RAB11FIP4: variants seen among roughly 807,000 people sequenced by gnomAD.
The protein encoded by RAB11FIP4 is RAB11 family interacting protein 4, also known as rab11 family-interacting protein 4.
A neutral mutation model predicts 74.3 loss-of-function variants in RAB11FIP4; 23 were observed. That is an observed-to-expected ratio of 0.31 (90% CI 0.22 to 0.44). The LOEUF is 0.44. Among genes scored for constraint, RAB11FIP4 ranks in the 20% least tolerant of loss-of-function variants. The pLI is 1.00. For synonymous variants in RAB11FIP4, 360 were observed against 359.9 expected, an observed-to-expected ratio of 1.00 and a Z score of 0.00; for missense variants, 630 against 863.9, an observed-to-expected ratio of 0.73 and a Z score of 3.39.
intron 3 of RAB11FIP4, among the ~76,000 whole-genome samples, chr17:31,492,397 A>AC (rs1567674768): frequency 6.6e-6 from 1 of 151,834 alleles, no homozygotes; most frequent in Non-Finnish European, 1.5e-5. Context: ...CTGTTCATCC[A>AC]CCCCCCTGCT....
At chr17:31,403,614 G>C (rs941216606) in intron 1 of RAB11FIP4, among the ~76,000 whole-genome samples, 1 of 152,094 alleles carries the variant, frequency 6.6e-6, no homozygotes, top group Non-Finnish European at 1.5e-5. Flanking sequence ...GAGCCACCGC[G>C]CCCGGCCCTG....
chr17:31,415,441 T>A (rs1171576141), intron 1 of RAB11FIP4, among the ~76,000 whole-genome samples: 1 of 152,196 alleles, frequency 6.6e-6, no homozygotes, highest in African/African-American at 2.4e-5. Flanking sequence ...CCAAGCCATT[T>A]ACTTGTTCCG....
chr17:31,496,035 G>T (rs1004499645), intron 3 of RAB11FIP4, among the ~76,000 whole-genome samples: 10 of 152,042 alleles, frequency 6.6e-5, no homozygotes, highest in African/African-American at 2.4e-4. Context: ...CCTTTTTCTT[G>T]GCATACTTGA....
At chr17:31,400,421 C>T (rs2070973891) in intron 1 of RAB11FIP4, among the ~76,000 whole-genome samples, 1 of 152,202 alleles carries the variant, frequency 6.6e-6, no homozygotes, top group Non-Finnish European at 1.5e-5. Context: ...TGTGGCCTTC[C>T]CTGCAGGGGC....
At chr17:31,438,833 C>T (rs890462593) in intron 3 of RAB11FIP4, among the ~76,000 whole-genome samples, 15 of 152,086 alleles carry the variant, frequency 9.9e-5, no homozygotes, top group African/African-American at 2.9e-4. Context: ...ACTTACTTGC[C>T]GGGAGTGGTG....
intron 1 of RAB11FIP4, 178 bp from the exon 2 acceptor site, chr17:31,431,635 T>A (rs1012794575): frequency 1.8e-6 from 1 of 555,378 alleles, no homozygotes; most frequent in East Asian, 3.6e-5. Context: ...GCCCGAGTTG[T>A]CTGTCACCAT....
chr17:31,436,814 A>G (rs1187917892), intron 3 of RAB11FIP4, among the ~76,000 whole-genome samples: 3 of 141,180 alleles, frequency 2.1e-5, no homozygotes, highest in African/African-American at 8.0e-5. Context: ...TTGAGACGGC[A>G]TCTTGCTCTA....
chr17:31,423,198 C>T (rs1357546958), intron 1 of RAB11FIP4, among the ~76,000 whole-genome samples: 1 of 152,212 alleles, frequency 6.6e-6, no homozygotes, highest in Admixed American at 6.5e-5. Context: ...GGATTACAGG[C>T]GTGAGCCACC....
intron 3 of RAB11FIP4, among the ~76,000 whole-genome samples, chr17:31,444,472 G>A (rs543915160): frequency 2.0e-5 from 3 of 152,182 alleles, no homozygotes; most frequent in Non-Finnish European, 2.9e-5. Flanking sequence ...AGGTGGCGGG[G>A]ATGGAAGCAG....
chr17:31,436,746 G>GT (rs2071360457), intron 3 of RAB11FIP4, among the ~76,000 whole-genome samples: 1 of 36,178 alleles, frequency 2.8e-5, no homozygotes, highest in Non-Finnish European at 5.5e-5. Flanking sequence ...TTTGGGTTTT[G>GT]TTTTTTGTTT....
chr17:31,511,276 G>A (rs1318739999), intron 3 of RAB11FIP4, among the ~76,000 whole-genome samples: 5 of 152,174 alleles, frequency 3.3e-5, no homozygotes, highest in African/African-American at 1.2e-4. Context: ...GCCTCCTTTT[G>A]CCGTGTGTTC....
At chr17:31,524,019 G>A in intron 9 of RAB11FIP4, 23 bp downstream of exon 9, 1 of 1,562,596 alleles carries the variant, frequency 6.4e-7, no homozygotes, top group Non-Finnish European at 8.8e-7. Flanking sequence ...GCGGCGCTGG[G>A]GGCTCGGCCG....
At chr17:31,450,270 C>A (rs921183277) in intron 3 of RAB11FIP4, among the ~76,000 whole-genome samples, 1 of 151,790 alleles carries the variant, frequency 6.6e-6, no homozygotes, top group Non-Finnish European at 1.5e-5. Flanking sequence ...AAGCCTTCCT[C>A]CTACCTCTCA....
chr17:31,425,323 C>T (rs1000195720), intron 1 of RAB11FIP4, among the ~76,000 whole-genome samples: 1 of 152,216 alleles, frequency 6.6e-6, no homozygotes, highest in Non-Finnish European at 1.5e-5. Context: ...TATTAGGCAC[C>T]TTGCCTTGCA....
At chr17:31,453,355 C>CAAAAAAAAAAAAAAAAAAA (rs747844559) in intron 3 of RAB11FIP4, among the ~76,000 whole-genome samples, 1 of 71,772 alleles carries the variant, frequency 1.4e-5, no homozygotes, top group African/African-American at 5.9e-5. Context: ...GACCCTACCT[C>CAAAAAAAAAAAAAAAAAAA]AAAAAAAAAA....
chr17:31,430,975 A>AAGG (rs1010262858), intron 1 of RAB11FIP4, among the ~76,000 whole-genome samples: 10 of 152,074 alleles, frequency 6.6e-5, no homozygotes, highest in African/African-American at 2.4e-4. Context: ...TGGGTTGACC[A>AAGG]AGGGACTTGG....
chr17:31,461,039 C>T (rs1567663757), intron 3 of RAB11FIP4, among the ~76,000 whole-genome samples: 3 of 151,900 alleles, frequency 2.0e-5, no homozygotes, highest in African/African-American at 7.3e-5. Flanking sequence ...ATCCACAGAC[C>T]TCCAGAGCCC....
At chr17:31,472,565 T>C (rs1175037381) in intron 3 of RAB11FIP4, among the ~76,000 whole-genome samples, 1 of 152,066 alleles carries the variant, frequency 6.6e-6, no homozygotes, top group Non-Finnish European at 1.5e-5. Flanking sequence ...AGAATTGCGG[T>C]CTGAGGGGAG....
At chr17:31,510,892 G>T (rs2142792301) in intron 3 of RAB11FIP4, among the ~76,000 whole-genome samples, 2 of 152,236 alleles carry the variant, frequency 1.3e-5, no homozygotes, top group Admixed American at 1.3e-4. Flanking sequence ...GTGGTGGTGT[G>T]TACCTGTAGT....
Sources: gnomAD v4.1 joint callset for allele counts (sites outside exome capture counted in the v4.1 genomes callset) on GRCh38, gnomAD v4.1.1 for gene constraint, MANE v1.5 for transcripts, NCBI Gene and HGNC (gene_info 2026-07-23, HGNC 2026-07-21) for gene names.